Variants in CAPRIN2 observed in about 807,000 individuals in gnomAD.
CAPRIN2 encodes the protein caprin-2.
A neutral mutation model predicts 130.4 loss-of-function variants in CAPRIN2; 66 were observed. The ratio of observed to expected loss-of-function variants is 0.51; its 90% CI spans 0.42 to 0.62. The LOEUF (loss-of-function observed/expected upper bound fraction) is 0.62, where lower values mean the gene tolerates loss of function less well. Ranked by LOEUF, CAPRIN2 falls within the 20% of genes least tolerant of loss-of-function variation. The probability of loss-of-function intolerance (pLI) is 0.00; values close to 1 mark genes in which losing one functional copy is unlikely to be tolerated. For synonymous variants in CAPRIN2, 471 were observed against 444.1 expected (o/e 1.06, Z -0.76); for missense variants, 1,185 against 1,246.6 (o/e 0.95, Z 0.74).
At chr12:30,743,748 C>T (rs1033373394) in intron 2 of CAPRIN2, among the ~76,000 whole-genome samples, 23 of 152,140 alleles carry the variant, frequency 1.5e-4, no homozygotes, top group African/African-American at 4.8e-4. Flanking sequence ...ATAAGCACAC[C>T]GCATTTTTAG....
chr12:30,741,209 G>T, intron 2 of CAPRIN2, 103 bp from the exon 4 acceptor site: 1 of 608,048 alleles, frequency 1.6e-6, no homozygotes, highest in Non-Finnish European at 2.7e-6. Context: ...AGATCTTATG[G>T]CTATTTACTA....
At chr12:30,742,395 T>C (rs1396388001) in intron 2 of CAPRIN2, among the ~76,000 whole-genome samples, 1 of 152,068 alleles carries the variant, frequency 6.6e-6, no homozygotes, top group Non-Finnish European at 1.5e-5. Flanking sequence ...ATCATGAGCA[T>C]GTCCTACAGC....
chr12:30,745,046 T>G (rs967137474), intron 2 of CAPRIN2, among the ~76,000 whole-genome samples: 1 of 152,178 alleles, frequency 6.6e-6, no homozygotes, highest in Non-Finnish European at 1.5e-5. Flanking sequence ...AAAGTTTAGG[T>G]GGCTTGCCTT....
At chr12:30,743,531 C>T (rs1036667318) in intron 2 of CAPRIN2, among the ~76,000 whole-genome samples, 1 of 152,182 alleles carries the variant, frequency 6.6e-6, no homozygotes, top group Non-Finnish European at 1.5e-5. Context: ...TCCTGCTCTA[C>T]AGACATTTCT....
At chr12:30,715,389 G>A in intron 13 of CAPRIN2, 1 of 585,192 alleles carries the variant, frequency 1.7e-6, no homozygotes, top group Non-Finnish European at 3.2e-6. Flanking sequence ...GAACCCTTAA[G>A]ACATGCCAAG....
intron 6 of CAPRIN2, 70 bp from the exon 8 acceptor site, chr12:30,730,352 A>G (rs772300223): frequency 3.8e-6 from 4 of 1,061,334 alleles, no homozygotes; most frequent in Non-Finnish European, 5.9e-6. Flanking sequence ...TACAACTATA[A>G]TTCATTCTAG....
chr12:30,753,525 C>T (rs1462562528), exon 1 of CAPRIN2: 25 of 1,614,126 alleles, frequency 1.5e-5, no homozygotes, highest in Non-Finnish European at 2.0e-5. Flanking sequence ...CTTCATATTC[C>T]CCTCTCTTTC....
chr12:30,724,591 TC>T, intron 9 of CAPRIN2, 140 bp from the exon 11 acceptor site: 1 of 598,372 alleles, frequency 1.7e-6, no homozygotes, highest in East Asian at 2.9e-5. Flanking sequence ...ATCTAGCTAA[TC>T]ACTGTCTCAG....
In CAPRIN2 at chr12:30,726,167, C is replaced by G. The variant is rs2060874035; in HGVS notation, c.1783-79G>C. 5 of 1,200,036 alleles carry G rather than the reference C, an allele frequency of 4.2e-6. No homozygotes were observed. In the East Asian group the frequency reaches 1.4e-4, roughly 34 times the overall value. The allele number at this position is 1,200,036 out of a possible 1,614,324, so 74.3% of individuals were successfully genotyped here. On this transcript the variant is annotated intron_variant, in intron 8 of 16. Coordinates refer to ENST00000298892, the Ensembl canonical transcript of CAPRIN2. ...TCTAGGAAACAGTTTATCACTACAT[C>G]TTAAAGGAAAAGAAAAAACAGCAAT...
intron 11 of CAPRIN2, among the ~76,000 whole-genome samples, 162 bp downstream of exon 12, chr12:30,723,097 C>G (rs1479493175): frequency 6.6e-6 from 1 of 152,140 alleles, no homozygotes; most frequent in Non-Finnish European, 1.5e-5. Context: ...ATCGGGGAAT[C>G]ATTTTAGGAC....
intron 2 of CAPRIN2, among the ~76,000 whole-genome samples, chr12:30,741,539 CTGTAACAGACAAAAATAAA>C (rs1447139832): frequency 1.3e-5 from 2 of 152,028 alleles, no homozygotes; most frequent in Non-Finnish European, 2.9e-5. Context: ...GAATAATTAC[CTGTAACAGACAAAAATAAA>C]TATTATAACA....
intron 9 of CAPRIN2, 129 bp downstream of exon 10, chr12:30,725,837 G>A (rs2060768023): frequency 1.0e-5 from 7 of 686,520 alleles, no homozygotes; most frequent in Non-Finnish European, 1.5e-5. Flanking sequence ...CTAAACTCCA[G>A]GCTAGGAGAG....
At chr12:30,714,918 A>T (rs1305218469) in intron 14 of CAPRIN2, 41 bp downstream of exon 16, 1 of 1,533,476 alleles carries the variant, frequency 6.5e-7, no homozygotes, top group Non-Finnish European at 9.0e-7. Flanking sequence ...AAACACACAG[A>T]CAAAATAATT....
intron 2 of CAPRIN2, among the ~76,000 whole-genome samples, chr12:30,742,513 C>T (rs1392939136): frequency 6.6e-6 from 1 of 151,996 alleles, no homozygotes; most frequent in Non-Finnish European, 1.5e-5. Flanking sequence ...AACCCCAAAA[C>T]TTCAAGCATC....
intron 2 of CAPRIN2, among the ~76,000 whole-genome samples, chr12:30,747,398 C>T (rs2071120753): frequency 6.6e-6 from 1 of 152,092 alleles, no homozygotes; most frequent in Non-Finnish European, 1.5e-5. Context: ...ATACATTTGG[C>T]CGGGCGTGAT....
Position 30,719,235 on chromosome 12 carries a change from A to T in CAPRIN2, c.2148+1576T>A. ...CTGGGGGAATTGCTGCCTGGGGAGG[A>T]GAAATGCAGCATCAGCCAATCACCT... On this transcript the variant is annotated intron_variant, in intron 12 of 16. Coordinates refer to ENST00000298892, the Ensembl canonical transcript of CAPRIN2. 6.2e-7 allele frequency: 1 copy of T among 1,613,602 alleles called. No homozygotes were observed. The highest frequency in any genetic ancestry group is 8.5e-7 in the Non-Finnish European group (1 of 1,179,710).
At chr12:30,730,109 C>G (rs773074315) in intron 7 of CAPRIN2, 130 bp downstream of exon 8, 24 of 688,468 alleles carry the variant, frequency 3.5e-5, no homozygotes, top group Non-Finnish European at 5.8e-5. Context: ...GCCCAAAGTC[C>G]CTAAGCTAGT....
intron 1 of CAPRIN2, 88 bp from the exon 3 acceptor site, chr12:30,751,221 A>T: frequency 9.7e-7 from 1 of 1,033,200 alleles, no homozygotes; most frequent in Non-Finnish European, 1.5e-6. Context: ...TCTAGGAAAC[A>T]AAGTCCTTGA....
In CAPRIN2 at chr12:30,752,572, T is replaced by TAAA. The variant is rs201247925; in HGVS notation, c.420+769_420+771dup. Among the ~76,000 whole-genome samples, 549 of 129,268 alleles carry TAAA rather than the reference T, an allele frequency of 4.2e-3. 11 individuals carry two copies. Among genetic ancestry groups the TAAA allele is most frequent in the African/African-American group, 0.014 (484 of 34,188 alleles). The allele number at this position is 129,268 out of a possible 152,430, so 84.8% of individuals were successfully genotyped here. ...CTTGCCCTTCTTTACTTTCTTAGGT[T>TAAA]AAAAAAAAAAAAAAAAAAGAGTCAA... On this transcript the variant is annotated intron_variant, in intron 1 of 16. Transcript: ENST00000298892.
Sources: allele counts gnomAD v4.1 joint callset (sites outside exome capture counted in the v4.1 genomes callset), GRCh38; gene constraint gnomAD v4.1.1; transcripts MANE v1.5; gene names NCBI Gene and HGNC (gene_info 2026-07-23, HGNC 2026-07-21).